Variants in ATP11C observed in about 807,000 individuals in gnomAD.
ATP11C encodes ATPase phospholipid transporting 11C (ATP11C blood group), also known as phospholipid-transporting ATPase IG.
Under a neutral mutation model 97.4 loss-of-function variants are expected in ATP11C, and 36 were observed. The observed-to-expected ratio is 0.37, with a 90% CI of 0.28 to 0.49. The LOEUF is 0.49. Ranked by LOEUF, ATP11C falls within the 20% of genes least tolerant of loss-of-function variation. ATP11C has a pLI of 0.98. For synonymous variants in ATP11C, 275 were observed against 290.9 expected, an observed-to-expected ratio of 0.95 and a Z score of 0.56; for missense variants, 730 against 824.6, an observed-to-expected ratio of 0.89 and a Z score of 1.40.
intron 28 of ATP11C, among the ~76,000 whole-genome samples, chrX:139,734,992 A>G (rs2081414689): frequency 1.8e-5 from 2 of 111,464 alleles, no homozygotes; most frequent in African/African-American, 3.3e-5. Context: ...AAATAGCTCA[A>G]TTGTGTTAAA....
At chrX:139,768,831 G>A (rs575125207) in intron 19 of ATP11C, among the ~76,000 whole-genome samples, 4 of 106,734 alleles carry the variant, frequency 3.7e-5, no homozygotes, top group African/African-American at 1.4e-4. Context: ...TCACTTGAAA[G>A]GTTTTAAGAG....
chrX:139,851,347 G>A (rs1050507553), intron 1 of ATP11C, among the ~76,000 whole-genome samples: 4 of 112,219 alleles, frequency 3.6e-5, no homozygotes, highest in African/African-American at 1.3e-4. Context: ...AATTCTGCAG[G>A]TGTGCAGAAT....
chrX:139,809,723 G>C (rs1326176157), intron 5 of ATP11C, among the ~76,000 whole-genome samples: 1 of 111,996 alleles, frequency 8.9e-6, no homozygotes, highest in Non-Finnish European at 1.9e-5. Context: ...CAGCATTTTA[G>C]GAGGCTGAGG....
chrX:139,766,308 G>T (rs904647170), intron 20 of ATP11C, among the ~76,000 whole-genome samples: 1 of 111,894 alleles, frequency 8.9e-6, no homozygotes, highest in African/African-American at 3.3e-5. Flanking sequence ...ATGGGGTCAG[G>T]AATTCATATA....
At chrX:139,907,779 T>C (rs1041189877) in intron 1 of ATP11C, among the ~76,000 whole-genome samples, 1 of 109,649 alleles carries the variant, frequency 9.1e-6, no homozygotes, top group Middle Eastern at 4.7e-3. Flanking sequence ...GAAAAGAGAC[T>C]GCTTACCTTC....
intron 1 of ATP11C, among the ~76,000 whole-genome samples, chrX:139,857,452 T>G (rs2084110284): frequency 8.9e-6 from 1 of 111,793 alleles, no homozygotes; most frequent in South Asian, 3.8e-4. Flanking sequence ...TGCTCCACCC[T>G]GACTCATTCC....
intron 10 of ATP11C, among the ~76,000 whole-genome samples, chrX:139,798,054 G>A (rs1340393622): frequency 1.8e-5 from 2 of 111,906 alleles, no homozygotes; most frequent in Non-Finnish European, 3.8e-5. Flanking sequence ...TCTGTAAAGT[G>A]GAGAGGTTAA....
At chrX:139,878,656 G>A (rs1349701482) in intron 1 of ATP11C, among the ~76,000 whole-genome samples, 1 of 111,488 alleles carries the variant, frequency 9.0e-6, no homozygotes, top group Admixed American at 9.6e-5. Context: ...ACAGGGACGG[G>A]AAGAATTCGT....
chrX:139,875,490 C>T (rs971671776), intron 1 of ATP11C, among the ~76,000 whole-genome samples: 1 of 109,069 alleles, frequency 9.2e-6, no homozygotes, highest in Middle Eastern at 4.3e-3. Context: ...CTTAGCTACT[C>T]GGAGGCTGAG....
chrX:139,860,911 C>A (rs2084179566), intron 1 of ATP11C, among the ~76,000 whole-genome samples: 1 of 112,328 alleles, frequency 8.9e-6, no homozygotes, highest in South Asian at 3.7e-4. Flanking sequence ...GCTCTATTTC[C>A]ATCTGAGATC....
intron 1 of ATP11C, among the ~76,000 whole-genome samples, chrX:139,921,075 G>A (rs2148167950): frequency 9.0e-6 from 1 of 111,536 alleles, no homozygotes; most frequent in East Asian, 2.8e-4. Context: ...TTTACTGAAC[G>A]GGAAAACTGG....
chrX:139,879,407 G>A (rs979788180), intron 1 of ATP11C, among the ~76,000 whole-genome samples: 4 of 110,786 alleles, frequency 3.6e-5, no homozygotes, highest in African/African-American at 6.6e-5. Context: ...GTTATGCTAA[G>A]TGAAATAAAC....
chrX:139,755,154 A>G (rs948704012), intron 23 of ATP11C, among the ~76,000 whole-genome samples: 4 of 112,032 alleles, frequency 3.6e-5, no homozygotes, highest in Non-Finnish European at 7.5e-5. Flanking sequence ...TACGAAATCA[A>G]TGTACAAAAA....
At chrX:139,820,357 T>C (rs1310460347) in intron 2 of ATP11C, among the ~76,000 whole-genome samples, 1 of 110,190 alleles carries the variant, frequency 9.1e-6, no homozygotes, top group East Asian at 2.8e-4. Flanking sequence ...GCTGATATGG[T>C]GCCACTGCAC....
intron 1 of ATP11C, among the ~76,000 whole-genome samples, chrX:139,830,430 G>A (rs912693117): frequency 9.0e-6 from 1 of 111,665 alleles, no homozygotes; most frequent in African/African-American, 3.3e-5. Context: ...ATAACCCTCA[G>A]TGTTCCGTCC....
intron 24 of ATP11C, among the ~76,000 whole-genome samples, 169 bp downstream of exon 24, chrX:139,749,856 T>C (rs1603341682): frequency 3.6e-5 from 4 of 112,033 alleles, no homozygotes; most frequent in Non-Finnish European, 7.5e-5. Flanking sequence ...CTAGGAAATA[T>C]GTCATTTTCC....
In ATP11C at chrX:139,910,514, G is replaced by A. The variant is rs190202303; in HGVS notation, c.27+21502C>T. ...CCAGCTACTCAAGAGGCTGAGGCTGGAGAATCGCTTGAACCCAGGGGGCAG... is the reference window on the plus strand; with the variant it reads ...CCAGCTACTCAAGAGGCTGAGGCTGAAGAATCGCTTGAACCCAGGGGGCAG... On this transcript the variant is annotated intron_variant, in intron 1 of 29. Transcript: ENST00000682941. Among the ~76,000 whole-genome samples, 621 of 109,173 alleles carry A rather than the reference G, an allele frequency of 5.7e-3. 2 individuals are homozygous for A. The highest frequency in any genetic ancestry group is 9.2e-3 in the Non-Finnish European group (486 of 52,561). The allele number at this position is 109,173 out of a possible 115,157, so 94.8% of individuals were successfully genotyped here.
intron 5 of ATP11C, among the ~76,000 whole-genome samples, chrX:139,814,260 A>G (rs1477437685): frequency 9.0e-6 from 1 of 111,132 alleles, no homozygotes; most frequent in Non-Finnish European, 1.9e-5. Flanking sequence ...AAAAAATACT[A>G]CTACCTTGGA....
At chrX:139,793,834 T>C (rs936516595) in intron 12 of ATP11C, among the ~76,000 whole-genome samples, 2 of 111,586 alleles carry the variant, frequency 1.8e-5, no homozygotes, top group Non-Finnish European at 1.9e-5. Flanking sequence ...TATGATCACA[T>C]TGCTATAGTT....
Sources: gnomAD v4.1 joint callset for allele counts (sites outside exome capture counted in the v4.1 genomes callset) on GRCh38, gnomAD v4.1.1 for gene constraint, MANE v1.5 for transcripts, NCBI Gene and HGNC (gene_info 2026-07-23, HGNC 2026-07-21) for gene names.